Variants in TRPM6 observed in about 807,000 individuals in gnomAD.
TRPM6 encodes transient receptor potential cation channel subfamily M member 6, also known as channel kinase 2.
A neutral mutation model predicts 247.6 loss-of-function variants in TRPM6; 111 were observed. The ratio of observed to expected loss-of-function variants is 0.45; its 90% CI spans 0.38 to 0.52. TRPM6 has a LOEUF of 0.52. TRPM6 is among the 20% of genes least tolerant of loss of function. The pLI, the probability that TRPM6 is intolerant of heterozygous loss-of-function variation, is 0.00. For synonymous variants in TRPM6, 892 were observed against 853.8 expected, an observed-to-expected ratio of 1.04 and a Z score of -0.78; for missense variants, 2,126 against 2,421.5, an observed-to-expected ratio of 0.88 and a Z score of 2.56.
intron 25 of TRPM6, among the ~76,000 whole-genome samples, chr9:74,765,413 AT>A (rs1164477485): frequency 3.3e-5 from 5 of 151,416 alleles, no homozygotes; most frequent in Non-Finnish European, 7.4e-5. Flanking sequence ...GGAAGACTAA[AT>A]TTTAAAAAGC....
At chr9:74,837,365 G>T (rs1022074124) in intron 5 of TRPM6, among the ~76,000 whole-genome samples, 5 of 152,202 alleles carry the variant, frequency 3.3e-5, no homozygotes, top group Admixed American at 6.5e-5. Flanking sequence ...GATGCTGCTG[G>T]TCCAGGGACT....
intron 5 of TRPM6, among the ~76,000 whole-genome samples, chr9:74,839,412 G>A (rs554678778): frequency 6.6e-6 from 1 of 152,184 alleles, no homozygotes; most frequent in South Asian, 2.1e-4. Context: ...GAGACGGTGA[G>A]TGTTTTGGCA....
intron 38 of TRPM6, among the ~76,000 whole-genome samples, chr9:74,725,808 T>A (rs1367539996): frequency 6.6e-6 from 1 of 152,210 alleles, no homozygotes; most frequent in Non-Finnish European, 1.5e-5. Context: ...ATTTTCTTTA[T>A]CAGCAGCATG....
At chr9:74,742,484 A>G (rs1222790142) in intron 33 of TRPM6, 77 bp downstream of exon 33, 22 of 1,377,698 alleles carry the variant, frequency 1.6e-5, no homozygotes, top group East Asian at 2.3e-5. Flanking sequence ...AAATAATGCA[A>G]TGTGGTTTCC....
rs564765381 is a variant in TRPM6 at position 74,820,716 on chromosome 9, A to C, written c.1011-289T>G. 3.2e-4 allele frequency among the ~76,000 whole-genome samples: 49 copies of C among 152,256 alleles called. 1 individual carries two copies. Among genetic ancestry groups the C allele is most frequent in the African/African-American group, 1.2e-3 (48 of 41,566 alleles). ...AGGAGTTCGAGGCCAGCCTGGGCAA[A>C]ATAGCAAGACCCTGCCTCTATTTTT... is the stretch of plus-strand genomic sequence containing the variant. On this transcript the variant is annotated intron_variant, in intron 8 of 38. Transcript: ENST00000360774.
At chr9:74,828,280 C>T (rs1587550894) in intron 6 of TRPM6, among the ~76,000 whole-genome samples, 1 of 152,064 alleles carries the variant, frequency 6.6e-6, no homozygotes, top group Non-Finnish European at 1.5e-5. Context: ...TGCTTGAACC[C>T]GGCAGGCAGA....
chr9:74,802,255 C>G (rs1587522689), intron 15 of TRPM6, 80 bp from the exon 16 acceptor site: 1 of 1,342,964 alleles, frequency 7.4e-7, no homozygotes, highest in Non-Finnish European at 1.0e-6. Flanking sequence ...AGCAGGTGTC[C>G]TAGAGATTTT....
In TRPM6 at chr9:74,759,765, G is replaced by A. The variant is rs527603803; in HGVS notation, c.4785+1931C>T. On this transcript the variant is annotated intron_variant, in intron 27 of 38. Coordinates refer to ENST00000360774, the MANE Select transcript of TRPM6 (RefSeq NM_017662.5). The stretch of plus-strand genomic sequence containing the variant: ...AAAAATCATAGACTATAAAAGAAAA[G>A]AATCAAACACTTCATCAAAAAAATT... 1.5e-3 allele frequency among the ~76,000 whole-genome samples: 227 copies of A among 151,816 alleles called. 1 individual carries two copies. The Middle Eastern group carries it at 0.034, about 23-fold the overall frequency.
Position 74,763,081 on chromosome 9 carries a change from A to G in TRPM6, c.3590T>C (p.Ile1197Thr). Reference protein sequence around the residue: ...LKEMNEKVSFIKDSLLSLDSQ... With the variant: ...LKEMNEKVSFTKDSLLSLDSQ... ...GTCCAAAGACAGTAAGGAGTCCTTTATAAAAGACACCTTTTCATTCATTTC... is the reference window on the plus strand; with the variant it reads ...GTCCAAAGACAGTAAGGAGTCCTTTGTAAAAGACACCTTTTCATTCATTTC... The change falls in exon 26 of 39, where the codon ATA (isoleucine) becomes ACA (threonine). Residue 1197 changes from isoleucine (I) to threonine (T), a missense_variant. Physicochemically the swap from Ile to Thr is moderately conservative, Grantham distance 89 (BLOSUM62 -1). Transcript: ENST00000360774. 5 of 1,614,052 alleles carry G rather than the reference A, an allele frequency of 3.1e-6. No individual in the cohort carries two copies. The highest frequency in any genetic ancestry group is 4.2e-6 in the Non-Finnish European group (5 of 1,180,030).
intron 7 of TRPM6, among the ~76,000 whole-genome samples, chr9:74,823,698 AG>A (rs1333814552): frequency 8.5e-5 from 13 of 152,258 alleles, no homozygotes; most frequent in Admixed American, 8.5e-4. Flanking sequence ...CAAAAGTAAT[AG>A]AAGAAAATTT....
chr9:74,863,751 T>G (rs995690407), intron 1 of TRPM6, among the ~76,000 whole-genome samples: 5 of 150,908 alleles, frequency 3.3e-5, no homozygotes, highest in Non-Finnish European at 7.4e-5. Flanking sequence ...GCCCGGCTAA[T>G]TTTTTTTTGT....
At chr9:74,854,050 T>A (rs1830449785) in intron 3 of TRPM6, among the ~76,000 whole-genome samples, 2 of 151,882 alleles carry the variant, frequency 1.3e-5, no homozygotes, top group African/African-American at 4.8e-5. Context: ...AAAAGAAAGC[T>A]CAGAAACAAA....
intron 18 of TRPM6, among the ~76,000 whole-genome samples, chr9:74,793,099 T>G (rs1258325989): frequency 1.3e-5 from 2 of 152,118 alleles, no homozygotes; most frequent in Admixed American, 6.5e-5. Flanking sequence ...GAGGTTACAG[T>G]GAGCCGATAT....
chr9:74,847,919 C>T (rs918526494), intron 3 of TRPM6, among the ~76,000 whole-genome samples: 13 of 152,118 alleles, frequency 8.5e-5, no homozygotes, highest in African/African-American at 2.4e-4. Flanking sequence ...AGACCTCCAG[C>T]GGGTGCCCAA....
chr9:74,868,169 C>T (rs1830914468), intron 1 of TRPM6, among the ~76,000 whole-genome samples: 1 of 146,002 alleles, frequency 6.8e-6, no homozygotes, highest in African/African-American at 2.5e-5. Flanking sequence ...AACTTTGACA[C>T]CTCATGTTAT....
chr9:74,751,950 A>T (rs1442938139), intron 29 of TRPM6, among the ~76,000 whole-genome samples: 4 of 152,196 alleles, frequency 2.6e-5, no homozygotes, highest in Non-Finnish European at 5.9e-5. Flanking sequence ...AAAATAGCTT[A>T]TTTTTCTTCC....
At chr9:74,774,907 A>G (rs1056475708) in intron 24 of TRPM6, among the ~76,000 whole-genome samples, 1 of 152,226 alleles carries the variant, frequency 6.6e-6, no homozygotes, top group Non-Finnish European at 1.5e-5. Context: ...CCAATTTGTG[A>G]AGAAAAAAGG....
At position 74,782,738 on chromosome 9, in the gene TRPM6, T is replaced by A; in HGVS notation, c.3035A>T (p.Asp1012Val). 6.2e-7 allele frequency: 1 copy of A among 1,614,144 alleles called. No individual in the cohort carries two copies. Among genetic ancestry groups the A allele is most frequent in the Non-Finnish European group, 8.5e-7 (1 of 1,180,024 alleles). ...CATCCAGTATGGCTCAAATACAATA[T>A]CTCGAGCTAGACTCCAAGATGGTGG... is the stretch of plus-strand genomic sequence containing the variant. ...KEPPSWSLAR[D>V]IVFEPYWMIY... is the part of the protein sequence containing the mutation. Residue 1012 changes from aspartate to valine, a missense_variant, in exon 22 of 39, where the codon GAT (aspartate) becomes GTT (valine). Physicochemically the swap from Asp to Val is radical, Grantham distance 152. Coordinates refer to ENST00000360774, the MANE Select transcript of TRPM6 (RefSeq NM_017662.5).
intron 33 of TRPM6, among the ~76,000 whole-genome samples, chr9:74,742,226 C>G (rs1048371550): frequency 6.6e-6 from 1 of 152,204 alleles, no homozygotes; most frequent in Non-Finnish European, 1.5e-5. Flanking sequence ...TGACATTTAT[C>G]GCTTTCTCCT....
Sources: gnomAD v4.1 joint callset for allele counts (sites outside exome capture counted in the v4.1 genomes callset) on GRCh38, gnomAD v4.1.1 for gene constraint, MANE v1.5 for transcripts, NCBI Gene and HGNC (gene_info 2026-07-23, HGNC 2026-07-21) for gene names.